Variants in SLC26A7 observed in about 807,000 individuals in gnomAD.
The protein encoded by SLC26A7 is solute carrier family 26 member 7.
Under a neutral mutation model 82.5 loss-of-function variants are expected in SLC26A7, and 59 were observed. The observed-to-expected ratio is 0.72, with a 90% CI of 0.58 to 0.89. The LOEUF is 0.89. Among genes scored for constraint, SLC26A7 ranks in the 40% least tolerant of loss-of-function variants. SLC26A7 has a pLI of 0.00. For synonymous variants in SLC26A7, 271 were observed against 274.3 expected (o/e 0.99, Z 0.12); for missense variants, 820 against 793.0 (o/e 1.03, Z -0.41).
At chr8:91,394,285 G>A (rs1808504375) in intron 18 of SLC26A7, 1 of 1,612,964 alleles carries the variant, frequency 6.2e-7, no homozygotes, top group Non-Finnish European at 8.5e-7. Flanking sequence ...GGATTGGGTG[G>A]TTGCCTATCA....
At chr8:91,213,923 G>A (rs1234379663) in intron 1 of SLC26A7, among the ~76,000 whole-genome samples, 3 of 152,188 alleles carry the variant, frequency 2.0e-5, no homozygotes, top group Non-Finnish European at 4.4e-5. Context: ...CCATGAACCT[G>A]TCAAAGGATT....
At position 91,233,312 on chromosome 8, in the gene SLC26A7, A is replaced by G. The variant is rs575863267; in HGVS notation, c.-34+14307A>G. ...CAGGGCGCAGTGGCTCATGCCTGTA[A>G]TCCCAGCACTTTGGGAGGCCGAGGC... On this transcript the variant is annotated intron_variant, in intron 2 of 5. Transcript: ENST00000522862. 4.6e-5 allele frequency among the ~76,000 whole-genome samples: 7 copies of G among 152,302 alleles called. No individual in the cohort carries two copies. In the South Asian group the frequency reaches 1.5e-3, roughly 32 times the overall value.
At chr8:91,312,374 CCA>C (rs1424909686) in intron 4 of SLC26A7, among the ~76,000 whole-genome samples, 2 of 152,042 alleles carry the variant, frequency 1.3e-5, no homozygotes, top group Non-Finnish European at 2.9e-5. Flanking sequence ...ACTTGGTTAT[CCA>C]TTATAGTTAC....
At chr8:91,239,389 A>ATAT (rs1264821995) in intron 2 of SLC26A7, among the ~76,000 whole-genome samples, 9 of 105,844 alleles carry the variant, frequency 8.5e-5, no homozygotes, top group African/African-American at 1.7e-4. Flanking sequence ...AAAAAAAAAA[A>ATAT]AAAAAAATAT....
chr8:91,331,173 T>G (rs1027642642), intron 5 of SLC26A7, among the ~76,000 whole-genome samples: 3 of 152,154 alleles, frequency 2.0e-5, no homozygotes, highest in African/African-American at 7.2e-5. Context: ...TATAGTCACA[T>G]TCTGAGGCAC....
At chr8:91,264,535 A>G (rs969490779) in intron 2 of SLC26A7, among the ~76,000 whole-genome samples, 73 of 152,046 alleles carry the variant, frequency 4.8e-4, no homozygotes, top group African/African-American at 1.8e-3. Context: ...GCCTCCTGGA[A>G]GGTCACCACA....
chr8:91,342,203 T>G (rs372548141), intron 8 of SLC26A7, among the ~76,000 whole-genome samples: 60 of 152,314 alleles, frequency 3.9e-4, no homozygotes, highest in African/African-American at 1.3e-3. Flanking sequence ...GTGCTGGGAT[T>G]GCAGGCATGA....
chr8:91,224,231 T>A (rs1731103108), intron 2 of SLC26A7, among the ~76,000 whole-genome samples: 1 of 152,142 alleles, frequency 6.6e-6, no homozygotes, highest in South Asian at 2.1e-4. Context: ...GATGGAGAGA[T>A]GTTGCAATCA....
At chr8:91,236,834 T>C (rs1810399506) in intron 2 of SLC26A7, among the ~76,000 whole-genome samples, 1 of 152,230 alleles carries the variant, frequency 6.6e-6, no homozygotes, top group Non-Finnish European at 1.5e-5. Flanking sequence ...ATAAAATTTA[T>C]ATATGTGCAG....
At chr8:91,232,908 G>A (rs1331583209) in intron 2 of SLC26A7, among the ~76,000 whole-genome samples, 1 of 152,156 alleles carries the variant, frequency 6.6e-6, no homozygotes, top group African/African-American at 2.4e-5. Flanking sequence ...TCCAAGAAAG[G>A]CTATGCATTT....
At chr8:91,254,548 A>C (rs958666542) in intron 2 of SLC26A7, among the ~76,000 whole-genome samples, 2 of 152,090 alleles carry the variant, frequency 1.3e-5, no homozygotes, top group Non-Finnish European at 2.9e-5. Context: ...CTTCTTTATA[A>C]TCATATGCAT....
chr8:91,378,455 A>G (rs1168934238), intron 15 of SLC26A7, among the ~76,000 whole-genome samples: 1 of 147,284 alleles, frequency 6.8e-6, no homozygotes, highest in Non-Finnish European at 1.5e-5. Context: ...ATATATAAAT[A>G]TATAATTTTA....
chr8:91,394,673 A>G, intron 18 of SLC26A7: 1 of 1,101,826 alleles, frequency 9.1e-7, no homozygotes, highest in Non-Finnish European at 1.1e-6. Context: ...GTATGTATTT[A>G]CAAAATAATA....
intron 3 of SLC26A7, among the ~76,000 whole-genome samples, chr8:91,290,534 G>T (rs977769975): frequency 6.6e-6 from 1 of 152,040 alleles, no homozygotes; most frequent in Non-Finnish European, 1.5e-5. Flanking sequence ...ATGCAGTATC[G>T]CATCTTCAAA....
chr8:91,247,594 A>G (rs192352975), upstream of SLC26A7, among the ~76,000 whole-genome samples: 1 of 152,286 alleles, frequency 6.6e-6, no homozygotes, highest in East Asian at 1.9e-4. Flanking sequence ...TAATTTTAAG[A>G]AATTTTTAAA....
At chr8:91,241,345 C>A (rs1330414962) in intron 2 of SLC26A7, among the ~76,000 whole-genome samples, 1 of 151,900 alleles carries the variant, frequency 6.6e-6, no homozygotes. Flanking sequence ...ACAAACTATA[C>A]CAAAATTTAA....
At chr8:91,255,934 T>C (rs1039069210) in intron 2 of SLC26A7, among the ~76,000 whole-genome samples, 4 of 152,166 alleles carry the variant, frequency 2.6e-5, no homozygotes, top group Non-Finnish European at 5.9e-5. Context: ...TCTTCTGTTT[T>C]TACCTGCTAT....
At chr8:91,387,632 CA>C (rs770860857) in intron 15 of SLC26A7, among the ~76,000 whole-genome samples, 16 of 80,378 alleles carry the variant, frequency 2.0e-4, no homozygotes, top group African/African-American at 1.2e-4. Flanking sequence ...TTTTTGGAAT[CA>C]ATCTGATATA....
intron 2 of SLC26A7, among the ~76,000 whole-genome samples, chr8:91,272,103 T>G (rs1359971519): frequency 1.3e-5 from 2 of 152,212 alleles, no homozygotes; most frequent in Non-Finnish European, 2.9e-5. Context: ...AGTTTGATTC[T>G]ATGTCTCATT....
Sources: allele counts gnomAD v4.1 joint callset (sites outside exome capture counted in the v4.1 genomes callset), GRCh38; gene constraint gnomAD v4.1.1; transcripts MANE v1.5; gene names NCBI Gene and HGNC (gene_info 2026-07-23, HGNC 2026-07-21).